The following ACOT11 variants were observed in gnomAD, a reference collection of about 807,000 sequenced individuals.
ACOT11 encodes the protein acyl-CoA thioesterase 11.
A neutral mutation model predicts 77.5 loss-of-function variants in ACOT11; 69 were observed. That is an observed-to-expected ratio of 0.89 (90% CI 0.73 to 1.09). The LOEUF is 1.09. Among genes scored for constraint, ACOT11 ranks in the 50% least tolerant of loss-of-function variants. The pLI, the probability that ACOT11 is intolerant of heterozygous loss-of-function variation, is 0.00. For missense variants in ACOT11, 766 were observed against 813.7 expected (o/e 0.94, Z 0.71); for synonymous variants, 279 against 313.0 (o/e 0.89, Z 1.15).
chr1:54,597,646 C>T, intron 7 of ACOT11: 1 of 578,988 alleles, frequency 1.7e-6, no homozygotes, highest in Non-Finnish European at 3.0e-6. Context: ...GGCACTAGAT[C>T]CTCCCCTTGA....
At chr1:54,558,063 C>G (rs950537184) in intron 1 of ACOT11, among the ~76,000 whole-genome samples, 2 of 152,106 alleles carry the variant, frequency 1.3e-5, no homozygotes, top group Non-Finnish European at 2.9e-5. Flanking sequence ...TCTTGTCTGT[C>G]CCTAGAGTTA....
At chr1:54,630,981 C>A in intron 16 of ACOT11, 1 of 525,300 alleles carries the variant, frequency 1.9e-6, no homozygotes, top group Non-Finnish European at 3.5e-6. Context: ...ACACTGATAA[C>A]GAGGAGGAAC....
In ACOT11 at chr1:54,609,694, C is replaced by A; in HGVS notation, c.*582C>A. 1 of 1,614,076 alleles carries A rather than the reference C, an allele frequency of 6.2e-7. No individual in the cohort carries two copies. Among genetic ancestry groups the A allele is most frequent in the Non-Finnish European group, 8.5e-7 (1 of 1,180,022 alleles). ...AAAAACTCCCGTGGGAGATTTTGGCCCCAACCCACACAGGCCAATGCAAGA... is the reference window on the plus strand; with the variant it reads ...AAAAACTCCCGTGGGAGATTTTGGCACCAACCCACACAGGCCAATGCAAGA... On this transcript the variant is annotated 3_prime_UTR_variant, in exon 16 of 16. Coordinates refer to ENST00000343744, the MANE Select transcript of ACOT11 (RefSeq NM_147161.4).
chr1:54,616,387 G>A (rs567703329), intron 15 of ACOT11, among the ~76,000 whole-genome samples: 2 of 150,056 alleles, frequency 1.3e-5, no homozygotes, highest in East Asian at 1.9e-4. Flanking sequence ...TTTTTGAGAC[G>A]GAGTCTTGCT....
chr1:54,590,427 G>A (rs1327225554), intron 3 of ACOT11, among the ~76,000 whole-genome samples: 3 of 152,106 alleles, frequency 2.0e-5, no homozygotes, highest in Non-Finnish European at 2.9e-5. Flanking sequence ...GGAAGGATCC[G>A]GTTTGGGCCA....
chr1:54,561,938 A>G (rs1279111967), intron 1 of ACOT11, among the ~76,000 whole-genome samples: 1 of 77,810 alleles, frequency 1.3e-5, no homozygotes, highest in Admixed American at 1.1e-4. Context: ...TCCCTCCCGG[A>G]CGGGGCGGCT....
chr1:54,627,078 A>G (rs1644276136), intron 15 of ACOT11, among the ~76,000 whole-genome samples: 1 of 134,698 alleles, frequency 7.4e-6, no homozygotes, highest in Non-Finnish European at 1.7e-5. Flanking sequence ...GCTGGTCTCG[A>G]ACTCCTGACC....
chr1:54,570,808 GTAGC>G (rs1653905027), intron 1 of ACOT11, among the ~76,000 whole-genome samples: 1 of 151,994 alleles, frequency 6.6e-6, no homozygotes. Context: ...AGCCTACCGA[GTAGC>G]TGGGATTACA....
intron 1 of ACOT11, among the ~76,000 whole-genome samples, chr1:54,560,368 G>T (rs921154133): frequency 6.6e-6 from 1 of 152,128 alleles, no homozygotes; most frequent in South Asian, 2.1e-4. Context: ...AGATGTGAAG[G>T]AGCCAGGTCC....
chr1:54,605,971 G>A (rs1476271632), intron 13 of ACOT11, among the ~76,000 whole-genome samples: 1 of 152,198 alleles, frequency 6.6e-6, no homozygotes, highest in African/African-American at 2.4e-5. Flanking sequence ...TTTCCGTAAG[G>A]AGGTTCTGTG....
chr1:54,612,579 C>T (rs1467061934), downstream of ACOT11: 1 of 1,614,106 alleles, frequency 6.2e-7, no homozygotes, highest in African/African-American at 1.3e-5. Flanking sequence ...GGGCACTCCT[C>T]CCACCAGCTC....
intron 16 of ACOT11, among the ~76,000 whole-genome samples, chr1:54,633,764 C>A (rs1462205414): frequency 6.6e-6 from 1 of 152,208 alleles, no homozygotes; most frequent in African/African-American, 2.4e-5. Flanking sequence ...TCTAGGCATT[C>A]CTACCTATGC....
intron 1 of ACOT11, among the ~76,000 whole-genome samples, chr1:54,572,239 GCT>G (rs1653952414): frequency 6.6e-6 from 1 of 151,836 alleles, no homozygotes; most frequent in South Asian, 2.1e-4. Flanking sequence ...CTTTCCCTCT[GCT>G]CTCTCTCATT....
chr1:54,598,575 G>C (rs1304293591), intron 7 of ACOT11: 1 of 152,334 alleles, frequency 6.6e-6, no homozygotes, highest in East Asian at 1.9e-4. Flanking sequence ...AGCTGGCCTA[G>C]CATGGTGGCT....
intron 1 of ACOT11, among the ~76,000 whole-genome samples, chr1:54,554,529 T>A (rs971797065): frequency 2.6e-5 from 4 of 151,078 alleles, no homozygotes; most frequent in Non-Finnish European, 5.9e-5. Context: ...ATTTTTTTTT[T>A]AAGTTTTTGT....
intron 1 of ACOT11, among the ~76,000 whole-genome samples, chr1:54,560,647 G>C (rs1471576925): frequency 1.3e-5 from 2 of 152,056 alleles, no homozygotes; most frequent in East Asian, 1.9e-4. Context: ...TCCTGCTGTA[G>C]CTTCCCCTCT....
chr1:54,622,740 C>CAAA lies in ACOT11; in HGVS notation c.1630-7988_1630-7986dup, dbSNP rs113144448. Among the ~76,000 whole-genome samples the CAAA allele has an allele frequency of 2.1e-3, 310 of 148,014 alleles. 1 individual carries two copies. Among genetic ancestry groups the CAAA allele is most frequent in the African/African-American group, 7.4e-3 (301 of 40,514 alleles). On this transcript the variant is annotated intron_variant, in intron 15 of 16. Transcript: ENST00000371316. ...GGGGACAAGAGTGAAAACTCCGTCTCAAAAAAAATAGTTAACGGGACTTTC... is the reference window on the plus strand; with the variant it reads ...GGGGACAAGAGTGAAAACTCCGTCTCAAAAAAAAAAATAGTTAACGGGACTTTC...
Position 54,607,109 on chromosome 1 carries a change from C to T in ACOT11, c.1371-25C>T. 1 of 1,613,280 alleles carries T rather than the reference C, an allele frequency of 6.2e-7. No individual in the cohort carries two copies. The highest frequency in any genetic ancestry group is 8.5e-7 in the Non-Finnish European group (1 of 1,179,520). On this transcript the variant is annotated intron_variant, in intron 13 of 15. Coordinates refer to ENST00000343744, the MANE Select transcript of ACOT11 (RefSeq NM_147161.4). The surrounding 1 kb of genome is among the most constrained non-coding windows in gnomAD (Gnocchi z 4.5). Reference sequence around the variant, plus strand: ...CATGGGAGCTGGAAGCTTCCTGGGGCACTGAGATCCCGGCCTCCCCACAGG... The same window carrying T: ...CATGGGAGCTGGAAGCTTCCTGGGGTACTGAGATCCCGGCCTCCCCACAGG...
chr1:54,616,068 T>G (rs1335898070), intron 15 of ACOT11: 1 of 1,614,058 alleles, frequency 6.2e-7, no homozygotes, highest in Non-Finnish European at 8.5e-7. Context: ...TCCAGTGTGT[T>G]GTCACTGTAG....
Sources: gnomAD v4.1 joint callset for allele counts (sites outside exome capture counted in the v4.1 genomes callset) on GRCh38, gnomAD v4.1.1 for gene constraint, Gnocchi (gnomAD v3.1) non-coding constraint, MANE v1.5 for transcripts, NCBI Gene and HGNC (gene_info 2026-07-23, HGNC 2026-07-21) for gene names.